The following ZZZ3 variants were observed in gnomAD, a reference collection of about 807,000 sequenced individuals.
The protein encoded by ZZZ3 is zinc finger ZZ-type containing 3, also known as ZZ-type zinc finger-containing protein 3.
In ZZZ3, 22 loss-of-function variants were observed where a neutral mutation model predicts 95.2. That is an observed-to-expected ratio of 0.23 (90% confidence interval 0.17 to 0.33). The LOEUF is 0.33. ZZZ3 is among the 10% of genes least tolerant of loss of function. The probability of loss-of-function intolerance (pLI) is 1.00; values close to 1 mark genes in which losing one functional copy is unlikely to be tolerated. For synonymous variants in ZZZ3, 335 were observed against 358.9 expected (o/e 0.93, Z 0.75); for missense variants, 885 against 1,066.5 (o/e 0.83, Z 2.37).
chr1:77,642,587 C>G (rs201265592), intron 1 of ZZZ3, among the ~76,000 whole-genome samples: 1 of 142,672 alleles, frequency 7.0e-6, no homozygotes, highest in African/African-American at 2.6e-5. Flanking sequence ...CTAAACAAAA[C>G]AAAAAAAAAA....
chr1:77,627,343 T>A (rs183672026), intron 5 of ZZZ3, among the ~76,000 whole-genome samples: 120 of 152,306 alleles, frequency 7.9e-4, no homozygotes, highest in African/African-American at 2.7e-3. Context: ...TGAAGCACAA[T>A]ACAGATGTAA....
rs1660674704 is a variant in ZZZ3 at position 77,564,696 on chromosome 1, CTTGT to C, written c.*940_*943del. ...TCACTGTGCAGACTAAATTTAATCA[CTTGT>C]TTAAATAGTAATAAAAATACAATCT... On this transcript the variant is annotated 3_prime_UTR_variant, in exon 15 of 15. Transcript: ENST00000370801. 1 of 152,554 alleles carries C rather than the reference CTTGT, an allele frequency of 6.6e-6. No homozygotes were observed. Among genetic ancestry groups the C allele is most frequent in the South Asian group, 2.1e-4 (1 of 4,824 alleles). 9.5% of individuals were successfully genotyped at this position (152,554 alleles called of 1,614,324 possible).
At position 77,568,398 on chromosome 1, in the gene ZZZ3, C is replaced by T. The variant is rs1280532656; in HGVS notation, c.2400G>A (p.Lys800=). 1 of 1,572,230 alleles carries T rather than the reference C, an allele frequency of 6.4e-7. No homozygotes were observed. Among genetic ancestry groups the T allele is most frequent in the Non-Finnish European group, 8.7e-7 (1 of 1,156,050 alleles). ...PEYKELLQFK[K]LKKQKLQQMQ... Reference sequence around the variant, plus strand: ...TTTGCTGAAGTTTCTGCTTCTTTAACTTTTTAAACTGTAATAGTTCTTTAT... The same window carrying T: ...TTTGCTGAAGTTTCTGCTTCTTTAATTTTTTAAACTGTAATAGTTCTTTAT... The change falls in exon 13 of 15, where the codon AAG becomes AAA. Residue 800 remains lysine, a synonymous_variant. Coordinates refer to ENST00000370801, the MANE Select transcript of ZZZ3 (RefSeq NM_015534.6).
intron 10 of ZZZ3, 101 bp downstream of exon 10, chr1:77,579,426 G>T: frequency 1.2e-6 from 1 of 848,700 alleles, no homozygotes; most frequent in Non-Finnish European, 1.9e-6. Context: ...CTCTGTAGCT[G>T]AAAGTGTTAT....
At chr1:77,586,247 T>A (rs1360275410) in intron 5 of ZZZ3, among the ~76,000 whole-genome samples, 1 of 152,222 alleles carries the variant, frequency 6.6e-6, no homozygotes, top group African/African-American at 2.4e-5. Flanking sequence ...ACTGTCATAC[T>A]TCACCTTCAG....
At chr1:77,604,066 G>A (rs1225978781) in intron 5 of ZZZ3, among the ~76,000 whole-genome samples, 1 of 152,324 alleles carries the variant, frequency 6.6e-6, no homozygotes. Context: ...TACTCAGGAG[G>A]CTGAAGTGGG....
chr1:77,590,148 G>A (rs1202452102), intron 5 of ZZZ3, among the ~76,000 whole-genome samples: 5 of 152,178 alleles, frequency 3.3e-5, no homozygotes, highest in African/African-American at 9.7e-5. Flanking sequence ...CAAGGCAGGC[G>A]GATCACCAGA....
intron 5 of ZZZ3, among the ~76,000 whole-genome samples, chr1:77,619,820 G>A (rs893945895): frequency 7.2e-5 from 11 of 151,744 alleles, no homozygotes; most frequent in Non-Finnish European, 1.5e-4. Flanking sequence ...TTTTTCTTTC[G>A]AAAATTTAAA....
chr1:77,602,923 G>T (rs1300959755), intron 5 of ZZZ3, among the ~76,000 whole-genome samples: 1 of 151,700 alleles, frequency 6.6e-6, no homozygotes, highest in African/African-American at 2.4e-5. Flanking sequence ...TGAGTATGAT[G>T]AACAGGGTAC....
intron 1 of ZZZ3, 94 bp from the exon 2 acceptor site, chr1:77,641,749 C>T (rs967832649): frequency 5.1e-6 from 2 of 391,284 alleles, no homozygotes. Context: ...ACTTATATAG[C>T]ACACTTCATT....
chr1:77,587,524 A>G (rs1663219634), intron 5 of ZZZ3, among the ~76,000 whole-genome samples: 1 of 152,102 alleles, frequency 6.6e-6, no homozygotes, highest in Non-Finnish European at 1.5e-5. Context: ...TCGGCCTCCC[A>G]AAGTGCTGGG....
At chr1:77,586,298 T>C (rs1417393893) in intron 5 of ZZZ3, among the ~76,000 whole-genome samples, 1 of 152,198 alleles carries the variant, frequency 6.6e-6, no homozygotes, top group Admixed American at 6.5e-5. Context: ...AAGACTTATA[T>C]TGCCTCTATC....
chr1:77,578,514 T>C (rs558095287), intron 11 of ZZZ3, among the ~76,000 whole-genome samples: 1 of 152,328 alleles, frequency 6.6e-6, no homozygotes, highest in South Asian at 2.1e-4. Context: ...ACAAAGGCCT[T>C]TCTAACATAT....
chr1:77,636,130 A>G (rs1668277984), intron 4 of ZZZ3, among the ~76,000 whole-genome samples: 1 of 152,220 alleles, frequency 6.6e-6, no homozygotes, highest in Non-Finnish European at 1.5e-5. Flanking sequence ...AACTATACTC[A>G]TAATTTATGG....
At position 77,667,628 on chromosome 1, in the gene ZZZ3, T is replaced by C. The variant is rs554474734; in HGVS notation, c.-403+14957A>G. 1.1e-3 allele frequency among the ~76,000 whole-genome samples: 171 copies of C among 152,302 alleles called. 6 individuals carry two copies. The South Asian group carries it at 0.033, about 29-fold the overall frequency. ...ATTTCCTCTTCATACATTACATAGA[T>C]TGTGAATGCTCTATTAAGTGAATGA... On this transcript the variant is annotated intron_variant, in intron 1 of 14. Coordinates refer to ENST00000370801, the MANE Select transcript of ZZZ3 (RefSeq NM_015534.6).
chr1:77,581,940 A>G, intron 7 of ZZZ3, 39 bp downstream of exon 7: 1 of 1,603,096 alleles, frequency 6.2e-7, no homozygotes. Context: ...ACATTGCCAG[A>G]TATTTTTCTA....
In ZZZ3 at chr1:77,632,386, A is replaced by G; in HGVS notation, c.969T>C (p.Asp323=). 1 of 1,614,066 alleles carries G rather than the reference A, an allele frequency of 6.2e-7. No homozygotes were observed. Among genetic ancestry groups the G allele is most frequent in the African/African-American group, 1.3e-5 (1 of 75,012 alleles). Residue 323 remains aspartate (D), a synonymous_variant, in exon 5 of 15, where the codon GAT becomes GAC. Coordinates refer to ENST00000370801, the MANE Select transcript of ZZZ3 (RefSeq NM_015534.6). ...DSEEEVDVVG[D]SSASKEQCKE... is the part of the protein sequence containing the mutation. ...TACACTGCTCTTTTGAGGCACTGCT[A>G]TCTCCCACCACATCTACTTCCTCCT...
chr1:77,589,214 A>T (rs926376423), intron 5 of ZZZ3, among the ~76,000 whole-genome samples: 8 of 152,168 alleles, frequency 5.3e-5, no homozygotes, highest in African/African-American at 1.9e-4. Flanking sequence ...ACAGAAAGAC[A>T]TTTTAGCTTT....
At chr1:77,673,188 T>C (rs974972055) in intron 1 of ZZZ3, among the ~76,000 whole-genome samples, 1 of 152,206 alleles carries the variant, frequency 6.6e-6, no homozygotes. Context: ...ATAGGACTTA[T>C]ATGAAAGAAA....
Sources: gnomAD v4.1 joint callset for allele counts (sites outside exome capture counted in the v4.1 genomes callset) on GRCh38, gnomAD v4.1.1 for gene constraint, MANE v1.5 for transcripts, NCBI Gene and HGNC (gene_info 2026-07-23, HGNC 2026-07-21) for gene names.